The following GALNT7 variants were observed in gnomAD, a reference collection of about 807,000 sequenced individuals.
GALNT7 encodes the protein polypeptide N-acetylgalactosaminyltransferase 7, also known as N-acetylgalactosaminyltransferase 7.
GALNT7 carries 60 observed loss-of-function variants against 82.1 expected under a neutral mutation model. The ratio of observed to expected loss-of-function variants is 0.73; its 90% CI spans 0.59 to 0.91. The LOEUF (loss-of-function observed/expected upper bound fraction) is 0.91, where lower values mean the gene tolerates loss of function less well. Among genes scored for constraint, GALNT7 ranks in the 40% least tolerant of loss-of-function variants. The pLI is 0.00. For synonymous variants in GALNT7, 243 were observed against 275.1 expected, an observed-to-expected ratio of 0.88 and a Z score of 1.15; for missense variants, 660 against 804.2, an observed-to-expected ratio of 0.82 and a Z score of 2.17.
At chr4:173,265,919 G>A (rs1579970182) in intron 2 of GALNT7, among the ~76,000 whole-genome samples, 1 of 152,030 alleles carries the variant, frequency 6.6e-6, no homozygotes, top group East Asian at 1.9e-4. Context: ...GGAATGGCTT[G>A]GACGCTTCAA....
intron 1 of GALNT7, among the ~76,000 whole-genome samples, chr4:173,197,583 G>C (rs1349330160): frequency 6.6e-6 from 1 of 151,004 alleles, no homozygotes; most frequent in Non-Finnish European, 1.5e-5. Context: ...AGTGTTGTTG[G>C]ATATTAAGAA....
chr4:173,259,154 T>C (rs765435948), intron 2 of GALNT7, among the ~76,000 whole-genome samples: 5 of 152,092 alleles, frequency 3.3e-5, no homozygotes, highest in African/African-American at 4.8e-5. Context: ...CTGTAAGGGG[T>C]TAATTGAGGT....
intron 6 of GALNT7, among the ~76,000 whole-genome samples, chr4:173,301,573 C>T (rs1357278969): frequency 2.0e-5 from 3 of 152,166 alleles, no homozygotes; most frequent in Non-Finnish European, 4.4e-5. Flanking sequence ...ATGATTTACA[C>T]TGTTATTTGG....
At chr4:173,233,696 C>A (rs1463792757) in intron 1 of GALNT7, among the ~76,000 whole-genome samples, 1 of 152,224 alleles carries the variant, frequency 6.6e-6, no homozygotes, top group Non-Finnish European at 1.5e-5. Flanking sequence ...CCCAGCCAGG[C>A]CAGTCCCCAT....
intron 1 of GALNT7, among the ~76,000 whole-genome samples, chr4:173,175,777 T>C (rs1457215965): frequency 6.6e-6 from 1 of 152,096 alleles, no homozygotes; most frequent in African/African-American, 2.4e-5. Context: ...CATGGTAATA[T>C]GAAAGAGAAT....
chr4:173,306,559 C>G (rs961850338), intron 8 of GALNT7, among the ~76,000 whole-genome samples: 3 of 152,052 alleles, frequency 2.0e-5, no homozygotes, highest in Non-Finnish European at 2.9e-5. Flanking sequence ...TTTGTTGAAG[C>G]TTTTTACATT....
rs199984020 is a variant in GALNT7 at position 173,230,558 on chromosome 4, G to C, written c.127-17422G>C. Among the ~76,000 whole-genome samples, 7 of 152,194 alleles carry C rather than the reference G, an allele frequency of 4.6e-5. No individual in the cohort carries two copies. In the East Asian group the frequency reaches 1.4e-3, roughly 29 times the overall value. On this transcript the variant is annotated intron_variant, in intron 1 of 11. Transcript: ENST00000265000. Reference sequence around the variant, plus strand: ...TAATGTTTTAATATGAGTATAATCTGTTTACTATATAAATCAGAAATTAAA... The same window carrying C: ...TAATGTTTTAATATGAGTATAATCTCTTTACTATATAAATCAGAAATTAAA...
chr4:173,174,908 G>T (rs1432528538), intron 1 of GALNT7, among the ~76,000 whole-genome samples: 1 of 152,202 alleles, frequency 6.6e-6, no homozygotes, highest in Non-Finnish European at 1.5e-5. Flanking sequence ...CATGGGATGG[G>T]AGATAACGTG....
chr4:173,268,968 T>C (rs1439533092), intron 2 of GALNT7, among the ~76,000 whole-genome samples: 2 of 152,184 alleles, frequency 1.3e-5, no homozygotes, highest in Non-Finnish European at 1.5e-5. Flanking sequence ...TGAATTTTTG[T>C]ATATTTAGTA....
In GALNT7 at chr4:173,321,752, C is replaced by A; in HGVS notation, c.*35C>A. 1 of 1,491,150 alleles carries A rather than the reference C, an allele frequency of 6.7e-7. No individual in the cohort carries two copies. The highest frequency in any genetic ancestry group is 9.3e-7 in the Non-Finnish European group (1 of 1,072,024). 92.4% of individuals were successfully genotyped at this position (1,491,150 alleles called of 1,614,324 possible). A position where few individuals can be genotyped will look rare whatever the true frequency, so the allele number is the denominator to read the frequency against. The stretch of plus-strand genomic sequence containing the variant: ...AATAAACCAATAACCTACCTACTGA[C>A]AAGTAAATTTATACAGGACTGAAAA... On this transcript the variant is annotated 3_prime_UTR_variant, in exon 12 of 12. Transcript: ENST00000265000.
intron 2 of GALNT7, among the ~76,000 whole-genome samples, chr4:173,280,603 G>GGTTC (rs1339121292): frequency 3.3e-5 from 5 of 152,296 alleles, no homozygotes; most frequent in African/African-American, 1.2e-4. Flanking sequence ...GTTCTACAAT[G>GGTTC]TAGCTGAACC....
chr4:173,287,377 G>A (rs1192979056), intron 2 of GALNT7, among the ~76,000 whole-genome samples: 1 of 152,236 alleles, frequency 6.6e-6, no homozygotes, highest in Non-Finnish European at 1.5e-5. Flanking sequence ...TTAAATCTTG[G>A]AAGGCCTCTA....
Position 173,248,369 on chromosome 4 carries a change from G to A in GALNT7, c.516G>A (p.Glu172=). 1 of 1,613,842 alleles carries A rather than the reference G, an allele frequency of 6.2e-7. No homozygotes were observed. The highest frequency in any genetic ancestry group is 1.1e-5 in the South Asian group (1 of 91,080). Residue 172 remains glutamate (E), a synonymous_variant, in exon 2 of 12, where the codon GAG becomes GAA. Coordinates refer to ENST00000265000, the MANE Select transcript of GALNT7 (RefSeq NM_017423.3). ...AAGCAATTCAAGCCAGCATTAAAGA[G>A]TTTGGATTTAACATGGTGGCAAGTG... The part of the protein sequence containing the change: ...FKQAIQASIK[E]FGFNMVASDM...
At position 173,184,120 on chromosome 4, in the gene GALNT7, C is replaced by T. The variant is rs1035048466; in HGVS notation, c.126+15159C>T. ...GGCTCTCCTCACTTCCCAGACTGGG[C>T]GGCGGGGCAGAGGGGCTCCTCACAT... is the stretch of plus-strand genomic sequence containing the variant. On this transcript the variant is annotated intron_variant, in intron 1 of 11. Transcript: ENST00000265000. 4.7e-5 allele frequency among the ~76,000 whole-genome samples: 7 copies of T among 149,554 alleles called. No individual in the cohort carries two copies. The East Asian group carries it at 1.0e-3, about 21-fold the overall frequency.
At chr4:173,180,957 AG>A (rs1732231149) in intron 1 of GALNT7, among the ~76,000 whole-genome samples, 1 of 152,228 alleles carries the variant, frequency 6.6e-6, no homozygotes, top group African/African-American at 2.4e-5. Flanking sequence ...TTCGTTTGAA[AG>A]GAAGTGTTTA....
chr4:173,215,474 G>A (rs907339466), intron 1 of GALNT7, among the ~76,000 whole-genome samples: 3 of 151,936 alleles, frequency 2.0e-5, no homozygotes, highest in Non-Finnish European at 4.4e-5. Flanking sequence ...CAGGTGATCC[G>A]CTGCCTCGGC....
chr4:173,180,181 G>A (rs917115648), intron 1 of GALNT7, among the ~76,000 whole-genome samples: 4 of 151,886 alleles, frequency 2.6e-5, no homozygotes, highest in Admixed American at 2.6e-4. Flanking sequence ...TTTTAAAAAT[G>A]ACAGGAACAG....
At chr4:173,309,369 T>C (rs927835940) in intron 8 of GALNT7, among the ~76,000 whole-genome samples, 2 of 152,158 alleles carry the variant, frequency 1.3e-5, no homozygotes, top group Non-Finnish European at 2.9e-5. Flanking sequence ...GAGGACAGAA[T>C]TAGAAGTAGT....
intron 1 of GALNT7, among the ~76,000 whole-genome samples, chr4:173,199,950 G>A (rs1361909639): frequency 1.3e-5 from 2 of 152,138 alleles, no homozygotes; most frequent in Non-Finnish European, 2.9e-5. Flanking sequence ...AAAAGTTAAA[G>A]TCTTCCTGGA....
Sources: gnomAD v4.1 joint callset for allele counts (sites outside exome capture counted in the v4.1 genomes callset) on GRCh38, gnomAD v4.1.1 for gene constraint, MANE v1.5 for transcripts, NCBI Gene and HGNC (gene_info 2026-07-23, HGNC 2026-07-21) for gene names.